The following TBC1D20 variants were observed in gnomAD, a reference collection of about 807,000 sequenced individuals.
TBC1D20 encodes the protein TBC1 domain family member 20.
Under a neutral mutation model 41.6 loss-of-function variants are expected in TBC1D20, and 12 were observed. The observed-to-expected ratio is 0.29, with a 90% CI of 0.18 to 0.47. The LOEUF (loss-of-function observed/expected upper bound fraction) is 0.47. TBC1D20 is among the 20% of genes least tolerant of loss of function. The pLI, the probability that TBC1D20 is intolerant of heterozygous loss-of-function variation, is 1.00. For missense variants in TBC1D20, 421 were observed against 517.4 expected (o/e 0.81, Z 1.81); for synonymous variants, 205 against 204.8 (o/e 1.00, Z -0.01).
chr20:444,890 A>T (rs1388641341), intron 3 of TBC1D20, among the ~76,000 whole-genome samples, 160 bp downstream of exon 3: 3 of 152,138 alleles, frequency 2.0e-5, no homozygotes, highest in Non-Finnish European at 4.4e-5. Context: ...AGGCTTTCAC[A>T]GTGGGGGTCT....
intron 2 of TBC1D20, among the ~76,000 whole-genome samples, chr20:446,714 T>C (rs1035873995): frequency 1.3e-5 from 2 of 152,082 alleles, no homozygotes; most frequent in African/African-American, 4.8e-5. Flanking sequence ...TTGCCCAGGC[T>C]GGCCTCAAAC....
At chr20:449,318 T>C (rs1358465915) in intron 1 of TBC1D20, among the ~76,000 whole-genome samples, 3 of 136,114 alleles carry the variant, frequency 2.2e-5, no homozygotes, top group Non-Finnish European at 4.6e-5. Context: ...TAAGTGAGGC[T>C]GGGCACGGTG....
At chr20:446,443 C>G (rs1158091220) in intron 2 of TBC1D20, among the ~76,000 whole-genome samples, 1 of 152,054 alleles carries the variant, frequency 6.6e-6, no homozygotes, top group Non-Finnish European at 1.5e-5. Context: ...TCGGTTCAAG[C>G]GATTCTCCTG....
intron 3 of TBC1D20, 27 bp downstream of exon 3, chr20:445,023 T>C: frequency 1.8e-5 from 28 of 1,584,392 alleles, no homozygotes; most frequent in Non-Finnish European, 2.4e-5. Flanking sequence ...TCTTTCCAAA[T>C]GTGGCAGGAC....
Position 438,858 on chromosome 20 carries a change from CGGAA to C in TBC1D20, c.957-21_957-18del, listed in dbSNP as rs1568574360. 6.2e-7 allele frequency: 1 copy of C among 1,609,746 alleles called. No individual in the cohort carries two copies. The highest frequency in any genetic ancestry group is 2.2e-5 in the East Asian group (1 of 44,754). On this transcript the variant is annotated intron_variant, in intron 7 of 7. Transcript: ENST00000354200. ...GCTGCCGTCCTGCAGGGGAAAGAGA[CGGAA>C]GGAAGGAAGTGGTATGAAAGAGGAG...
In TBC1D20 at chr20:438,670, T is replaced by C; in HGVS notation, c.1128A>G (p.Thr376=). 6.2e-7 allele frequency: 1 copy of C among 1,614,234 alleles called. No homozygotes were observed. ...RFVKLAVMGL[T]VALGAAALAV... is the part of the protein sequence containing the mutation. ...CCAGTGCAGCCGCTCCAAGTGCCAC[T>C]GTCAGCCCCATCACTGCCAATTTCA... is the stretch of plus-strand genomic sequence containing the variant. Residue 376 remains threonine, a synonymous_variant, in exon 8 of 8, where the codon ACA becomes ACG. Coordinates refer to ENST00000354200, the MANE Select transcript of TBC1D20 (RefSeq NM_144628.4).
rs771281648 is a variant in TBC1D20, at chr20:439,115, C to A, written c.949G>T (p.Ala317Ser). ...LAREAAAQQQ[A>S]ERTAASTFKD... is the part of the protein sequence containing the mutation. ...TGTCCCAGCCTTGCTCACCTCTCAG[C>A]TTGCTGTTGGGCAGCGGCCTCCCGA... The change falls in exon 7 of 8, where the codon GCT (alanine) becomes TCT (serine). Residue 317 changes from alanine (A) to serine (S), a missense_variant. This residue lies in a region of TBC1D20 where 161 missense variants were observed against 182.7 expected (regional missense o/e 0.88). Coordinates refer to ENST00000354200, the MANE Select transcript of TBC1D20 (RefSeq NM_144628.4). This position sits in a 1 kb window ranked among gnomAD's most constrained non-coding sequence, Gnocchi z 4.6. 1.9e-6 allele frequency: 3 copies of A among 1,611,140 alleles called. No individual in the cohort carries two copies. In the Admixed American group the frequency reaches 5.0e-5, roughly 27 times the overall value.
chr20:445,298 A>G (rs2017311916), intron 2 of TBC1D20, among the ~76,000 whole-genome samples, 168 bp from the exon 3 acceptor site: 1 of 152,218 alleles, frequency 6.6e-6, no homozygotes, highest in Admixed American at 6.5e-5. Context: ...GTTTGGTTCC[A>G]AACATTATGT....
At chr20:453,832 G>A (rs1357414634) in intron 1 of TBC1D20, among the ~76,000 whole-genome samples, 1 of 146,598 alleles carries the variant, frequency 6.8e-6, no homozygotes, top group Non-Finnish European at 1.5e-5. Context: ...TTACAGGCGT[G>A]AGCCACCACA....
At position 462,413 on chromosome 20, in the gene TBC1D20, GGCCCCGGGCCCCCACCCGA is replaced by G. The variant is rs2017651044; in HGVS notation, c.-27_-9del. 1 of 1,218,084 alleles carries G rather than the reference GGCCCCGGGCCCCCACCCGA, an allele frequency of 8.2e-7. No individual in the cohort carries two copies. 75.5% of individuals were successfully genotyped at this position (1,218,084 alleles called of 1,614,324 possible). Reference sequence around the variant, plus strand: ...CGCACTCCGGAGGGCCATGCCCCGGGGCCCCGGGCCCCCACCCGAGCCCCGGCTGGTGGCGGAGCCGGGA... The same window carrying G: ...CGCACTCCGGAGGGCCATGCCCCGGGGCCCCGGCTGGTGGCGGAGCCGGGA... On this transcript the variant is annotated 5_prime_UTR_variant, in exon 1 of 8. Transcript: ENST00000354200.
Position 438,458 on chromosome 20 carries a change from G to C in TBC1D20, c.*128C>G. ...AAGTAAAGGCAAACACAAACGGGCA[G>C]GGCAGGGTGGCAGGAATAAAAAACT... is the stretch of plus-strand genomic sequence containing the variant. On this transcript the variant is annotated 3_prime_UTR_variant, in exon 8 of 8. Coordinates refer to ENST00000354200, the MANE Select transcript of TBC1D20 (RefSeq NM_144628.4). 1 of 1,133,736 alleles carries C rather than the reference G, an allele frequency of 8.8e-7. No homozygotes were observed. Among genetic ancestry groups the C allele is most frequent in the East Asian group, 2.4e-5 (1 of 42,326 alleles). 70.2% of individuals were successfully genotyped at this position (1,133,736 alleles called of 1,614,324 possible).
At chr20:455,284 G>C (rs1157842068) in intron 1 of TBC1D20, among the ~76,000 whole-genome samples, 3 of 152,032 alleles carry the variant, frequency 2.0e-5, no homozygotes, top group Non-Finnish European at 4.4e-5. Context: ...TCTCAAATAT[G>C]TCCCAGTTTG....
At position 447,963 on chromosome 20, in the gene TBC1D20, A is replaced by T. The variant is rs753522006; in HGVS notation, c.182T>A (p.Leu61Gln). ...RRMAISEGGL[L>Q]TDEIRRKVWP... The stretch of plus-strand genomic sequence containing the variant: ...CACTTTTCGTCTGATCTCATCAGTC[A>T]GGAGCCCTCCTTCACTGATAGCCAT... Residue 61 changes from leucine to glutamine, a missense_variant, in exon 2 of 8, where the codon CTG (leucine) becomes CAG (glutamine). Leu to Gln is a moderately radical substitution (Grantham distance 113). This residue lies in a region of TBC1D20 where 150 missense variants were observed against 151.3 expected (regional missense o/e 0.99). Transcript: ENST00000354200. 1 of 1,614,210 alleles carries T rather than the reference A, an allele frequency of 6.2e-7. No homozygotes were observed. Among genetic ancestry groups the T allele is most frequent in the Non-Finnish European group, 8.5e-7 (1 of 1,180,034 alleles).
intron 1 of TBC1D20, among the ~76,000 whole-genome samples, chr20:448,403 A>C (rs951381544): frequency 2.6e-5 from 4 of 152,142 alleles, no homozygotes; most frequent in Non-Finnish European, 5.9e-5. Flanking sequence ...TTTAAGAGAC[A>C]GTGTCGGCTG....
At chr20:451,478 G>A (rs2017441269) in intron 1 of TBC1D20, among the ~76,000 whole-genome samples, 1 of 152,136 alleles carries the variant, frequency 6.6e-6, no homozygotes, top group Admixed American at 6.5e-5. Context: ...AACCTGCAAG[G>A]TGGAGGTTAT....
In TBC1D20 at chr20:439,004, T is replaced by C; in HGVS notation, c.956+104A>G. 6.7e-7 allele frequency: 1 copy of C among 1,485,970 alleles called. No individual in the cohort carries two copies. The highest frequency in any genetic ancestry group is 9.1e-7 in the Non-Finnish European group (1 of 1,101,268). The allele number at this position is 1,485,970 out of a possible 1,614,324, so 92.0% of individuals were successfully genotyped here. A position where few individuals can be genotyped will look rare whatever the true frequency, so the allele number is the denominator to read the frequency against. On this transcript the variant is annotated intron_variant, in intron 7 of 7. Transcript: ENST00000354200. The surrounding 1 kb of genome is among the most constrained non-coding windows in gnomAD (Gnocchi z 4.6). ...GGGATTCCACTGGCCTAAGCTCAGA[T>C]CTCTGGAAACATGCCCCAACCCTAT...
chr20:461,330 G>A (rs1177459839), intron 1 of TBC1D20, among the ~76,000 whole-genome samples: 1 of 152,140 alleles, frequency 6.6e-6, no homozygotes, highest in Non-Finnish European at 1.5e-5. Flanking sequence ...CAAACTAAAA[G>A]AGTATAAAAA....
At chr20:440,596 G>A in intron 5 of TBC1D20, 1 of 576,002 alleles carries the variant, frequency 1.7e-6, no homozygotes. Context: ...ACAGGGTCCT[G>A]GCTGCTTTAT....
In TBC1D20 at chr20:438,587, C is replaced by T; in HGVS notation, c.1211G>A (p.Ter404=). 6.2e-7 allele frequency: 1 copy of T among 1,613,570 alleles called. No homozygotes were observed. Among genetic ancestry groups the T allele is most frequent in the Non-Finnish European group, 8.5e-7 (1 of 1,179,524 alleles). ...APKFQLQLFP[*] is the part of the protein sequence containing the mutation. ...TAAGAGGAAGGTCTTCTCTGGCTTT[C>T]AGGGAAACAGCTGCAGCTGAAACTT... is the stretch of plus-strand genomic sequence containing the variant. Residue 404 remains the stop codon, a stop_retained_variant, in exon 8 of 8, where the codon TGA becomes TAA. Transcript: ENST00000354200.
Sources: gnomAD v4.1 joint callset for allele counts (sites outside exome capture counted in the v4.1 genomes callset) on GRCh38, gnomAD v4.1.1 for gene constraint, gnomAD v4.1.1 regional missense constraint, Gnocchi (gnomAD v3.1) non-coding constraint, MANE v1.5 for transcripts, NCBI Gene and HGNC (gene_info 2026-07-23, HGNC 2026-07-21) for gene names.